Variants in ARB2A observed in about 807,000 individuals in gnomAD.
ARB2A encodes ARB2 cotranscriptional regulator A, also known as cotranscriptional regulator ARB2A.
At chr5:93,703,311 C>A in the ARB2A span, among the ~76,000 whole-genome samples, 1 of 152,316 alleles carries the variant, frequency 6.6e-6, no homozygotes. Flanking sequence ...ACTATCAGAT[C>A]TGGATTAGAA....
the ARB2A span, among the ~76,000 whole-genome samples, chr5:93,711,547 T>C: frequency 1.3e-5 from 2 of 152,196 alleles, no homozygotes; most frequent in Non-Finnish European, 2.9e-5. Flanking sequence ...AGATGGCAAG[T>C]GAAGAAGTTG....
chr5:93,629,265 T>C, the ARB2A span, among the ~76,000 whole-genome samples: 167 of 152,324 alleles, frequency 1.1e-3, no homozygotes, highest in Non-Finnish European at 1.4e-3. Context: ...GCATGATTCT[T>C]AGTGCCCCAA....
chr5:93,757,370 A>G, the ARB2A span, among the ~76,000 whole-genome samples: 2 of 152,338 alleles, frequency 1.3e-5, no homozygotes, highest in South Asian at 2.1e-4. Flanking sequence ...TACAAGATGC[A>G]CAAAGAACAC....
At chr5:94,057,054 C>T in the ARB2A span, among the ~76,000 whole-genome samples, 6 of 152,178 alleles carry the variant, frequency 3.9e-5, no homozygotes, top group African/African-American at 1.4e-4. Context: ...TAGTCTTCTG[C>T]CTTCAGATTT....
At chr5:93,817,112 A>T in the ARB2A span, among the ~76,000 whole-genome samples, 1 of 151,708 alleles carries the variant, frequency 6.6e-6, no homozygotes, top group African/African-American at 2.4e-5. Flanking sequence ...ACACACACAC[A>T]CTGATTAGAA....
chr5:93,954,027 CT>C, the ARB2A span, among the ~76,000 whole-genome samples: 1 of 152,272 alleles, frequency 6.6e-6, no homozygotes, highest in Non-Finnish European at 1.5e-5. Context: ...GGGCAGTGGG[CT>C]CCCTTCTAGC....
At chr5:93,968,112 T>C in the ARB2A span, among the ~76,000 whole-genome samples, 1 of 152,102 alleles carries the variant, frequency 6.6e-6, no homozygotes, top group African/African-American at 2.4e-5. Context: ...AAAGACCTAT[T>C]TACTTCAGTT....
chr5:93,968,909 T>G, the ARB2A span, among the ~76,000 whole-genome samples: 82 of 152,018 alleles, frequency 5.4e-4, no homozygotes, highest in Middle Eastern at 3.4e-3. Context: ...TACTCAGTGT[T>G]GAAAGAAACC....
the ARB2A span, chr5:93,741,219 C>A: frequency 6.8e-6 from 11 of 1,613,822 alleles, no homozygotes; most frequent in Non-Finnish European, 1.7e-6. Flanking sequence ...TGTCCTCTGG[C>A]GGCGGCAACT....
At chr5:94,009,273 A>G in the ARB2A span, among the ~76,000 whole-genome samples, 2 of 152,116 alleles carry the variant, frequency 1.3e-5, no homozygotes, top group Non-Finnish European at 2.9e-5. Flanking sequence ...AGTATAGTCC[A>G]GAACAGTCAG....
chr5:93,867,170 T>A, the ARB2A span, among the ~76,000 whole-genome samples: 3 of 152,320 alleles, frequency 2.0e-5, no homozygotes, highest in African/African-American at 7.2e-5. Flanking sequence ...AAAGTATTAA[T>A]CTATTACATA....
the ARB2A span, among the ~76,000 whole-genome samples, chr5:93,763,142 C>T: frequency 6.6e-5 from 10 of 151,458 alleles, no homozygotes; most frequent in African/African-American, 1.9e-4. Context: ...CATCAACTAA[C>T]GAGCAAAATA....
chr5:93,984,542 C>T, the ARB2A span, among the ~76,000 whole-genome samples: 1 of 152,052 alleles, frequency 6.6e-6, no homozygotes, highest in Non-Finnish European at 1.5e-5. Context: ...ATTGTTTATC[C>T]CCTATATAAA....
chr5:93,860,359 CACAGT>C, the ARB2A span, among the ~76,000 whole-genome samples: 1 of 152,034 alleles, frequency 6.6e-6, no homozygotes, highest in African/African-American at 2.4e-5. Flanking sequence ...AATGTTCATC[CACAGT>C]AAAGTGGATA....
At chr5:93,856,630 C>T in the ARB2A span, among the ~76,000 whole-genome samples, 3 of 152,192 alleles carry the variant, frequency 2.0e-5, no homozygotes, top group Admixed American at 2.0e-4. Flanking sequence ...CTTTCAGCTC[C>T]ATCAGCTCCT....
chr5:93,853,115 T>A, the ARB2A span, among the ~76,000 whole-genome samples: 1 of 152,184 alleles, frequency 6.6e-6, no homozygotes, highest in African/African-American at 2.4e-5. Context: ...CATTTGTTTG[T>A]ATCCTCTTTT....
At chr5:93,881,027 G>C in the ARB2A span, among the ~76,000 whole-genome samples, 2 of 151,668 alleles carry the variant, frequency 1.3e-5, no homozygotes, top group East Asian at 1.9e-4. Flanking sequence ...GTTTTGTATG[G>C]AGCATTATTA....
At chr5:93,794,096 C>T in the ARB2A span, among the ~76,000 whole-genome samples, 1 of 152,046 alleles carries the variant, frequency 6.6e-6, no homozygotes, top group African/African-American at 2.4e-5. Context: ...CAGGCCATAA[C>T]AGAAATTATA....
chr5:93,736,315 G>T, the ARB2A span: 2 of 152,126 alleles, frequency 1.3e-5, no homozygotes, highest in African/African-American at 4.8e-5. Flanking sequence ...GAAAACTAAA[G>T]TTGTTACAAT....
Sources: gnomAD v4.1 joint callset for allele counts (sites outside exome capture counted in the v4.1 genomes callset) on GRCh38, gnomAD v4.1.1 for gene constraint, MANE v1.5 for transcripts, NCBI Gene and HGNC (gene_info 2026-07-23, HGNC 2026-07-21) for gene names.